Variants in HECTD2 observed in about 807,000 individuals in gnomAD.
HECTD2 encodes probable E3 ubiquitin-protein ligase HECTD2.
Under a neutral mutation model 103.2 loss-of-function variants are expected in HECTD2, and 35 were observed. The observed-to-expected ratio is 0.34, with a 90% CI of 0.26 to 0.45. HECTD2 has a LOEUF of 0.45. Ranked by LOEUF, HECTD2 falls within the 20% of genes least tolerant of loss-of-function variation. The pLI, the probability that HECTD2 is intolerant of heterozygous loss-of-function variation, is 1.00. For synonymous variants in HECTD2, 281 were observed against 329.9 expected, an observed-to-expected ratio of 0.85 and a Z score of 1.61; for missense variants, 596 against 937.4, an observed-to-expected ratio of 0.64 and a Z score of 4.76.
chr10:91,421,250 T>C (rs1843347097), intron 1 of HECTD2, among the ~76,000 whole-genome samples: 1 of 152,202 alleles, frequency 6.6e-6, no homozygotes, highest in Non-Finnish European at 1.5e-5. Flanking sequence ...TATTTAACAT[T>C]ATTGACCTTT....
Position 91,512,535 on chromosome 10 carries a change from G to A in HECTD2, c.*151G>A. 1 of 697,004 alleles carries A rather than the reference G, an allele frequency of 1.4e-6. No individual in the cohort carries two copies. The highest frequency in any genetic ancestry group is 2.3e-6 in the Non-Finnish European group (1 of 439,508). 43.2% of individuals were successfully genotyped at this position (697,004 alleles called of 1,614,324 possible). A position where few individuals can be genotyped will look rare whatever the true frequency, so the allele number is the denominator to read the frequency against. On this transcript the variant is annotated 3_prime_UTR_variant, in exon 21 of 21. Coordinates refer to ENST00000298068, the MANE Select transcript of HECTD2 (RefSeq NM_182765.6). ...TTTTAAAAAATCAAATATGAAGTATGTTCAGCAAAGGCATAATTTTCTAAA... is the reference window on the plus strand; with the variant it reads ...TTTTAAAAAATCAAATATGAAGTATATTCAGCAAAGGCATAATTTTCTAAA...
At chr10:91,470,271 G>A (rs940885035) in intron 5 of HECTD2, among the ~76,000 whole-genome samples, 2 of 152,088 alleles carry the variant, frequency 1.3e-5, no homozygotes, top group African/African-American at 4.8e-5. Flanking sequence ...ACATTCTTCT[G>A]AACTGTACAT....
At chr10:91,494,235 G>A (rs1846582445) in intron 14 of HECTD2, among the ~76,000 whole-genome samples, 1 of 152,020 alleles carries the variant, frequency 6.6e-6, no homozygotes, top group Non-Finnish European at 1.5e-5. Flanking sequence ...TGTTCTCAGA[G>A]TCAAATGACC....
At chr10:91,430,310 A>G (rs1003171547) in intron 2 of HECTD2, among the ~76,000 whole-genome samples, 30 of 152,078 alleles carry the variant, frequency 2.0e-4, no homozygotes, top group Admixed American at 1.7e-3. Flanking sequence ...TATGTGGTCA[A>G]TTTTGGAATA....
In HECTD2 at chr10:91,410,405, G is replaced by T; in HGVS notation, c.-34G>T. The T allele has an allele frequency of 7.5e-7, 1 of 1,342,122 alleles. No individual in the cohort carries two copies. The highest frequency in any genetic ancestry group is 3.7e-5 in the Admixed American group (1 of 27,258). The allele number at this position is 1,342,122 out of a possible 1,614,324, so 83.1% of individuals were successfully genotyped here. On this transcript the variant is annotated 5_prime_UTR_variant, in exon 1 of 21. Transcript: ENST00000298068. ...CAGCCCCAGCAACACTGAGGCCGCC[G>T]CCGCCGCCTGGCGCTCCCGCCGCCC...
intron 9 of HECTD2, among the ~76,000 whole-genome samples, chr10:91,484,964 T>A (rs1411263940): frequency 1.3e-5 from 2 of 152,016 alleles, no homozygotes; most frequent in Non-Finnish European, 2.9e-5. Context: ...AATACTATTA[T>A]AATCCTCACC....
At chr10:91,421,810 T>C (rs1277931137) in intron 1 of HECTD2, among the ~76,000 whole-genome samples, 1 of 152,242 alleles carries the variant, frequency 6.6e-6, no homozygotes, top group Non-Finnish European at 1.5e-5. Flanking sequence ...AAAATATGCC[T>C]ATTCTTCTGA....
intron 2 of HECTD2, among the ~76,000 whole-genome samples, chr10:91,440,120 A>ATT (rs1844338025): frequency 6.6e-6 from 1 of 152,114 alleles, no homozygotes; most frequent in Non-Finnish European, 1.5e-5. Flanking sequence ...AATATGTTGA[A>ATT]TAAGAGTAGT....
Position 91,507,940 on chromosome 10 carries a change from C to T in HECTD2, c.2211-4324C>T, listed in dbSNP as rs1229787738. Among the ~76,000 whole-genome samples, 811 of 138,238 alleles carry T rather than the reference C, an allele frequency of 5.9e-3. 11 individuals are homozygous for T. Among genetic ancestry groups the T allele is most frequent in the African/African-American group, 0.026 (760 of 28,858 alleles). 90.7% of individuals were successfully genotyped at this position (138,238 alleles called of 152,430 possible). A position where few individuals can be genotyped will look rare whatever the true frequency, so the allele number is the denominator to read the frequency against. The stretch of plus-strand genomic sequence containing the variant: ...AAAACAGAGATATAGATCAGTGGAA[C>T]AGAACAGAGCCCTCAGAAATAATGC... On this transcript the variant is annotated intron_variant, in intron 20 of 20. Coordinates refer to ENST00000298068, the MANE Select transcript of HECTD2 (RefSeq NM_182765.6).
Position 91,461,352 on chromosome 10 carries a change from TTAAGG to T in HECTD2, c.510_510+4del. ...TCTTTCCCAGAATTAAATGCTGCATTTAAGGTAATTATACATAAAACACACTTTTC... is the reference window on the plus strand; with the variant it reads ...TCTTTCCCAGAATTAAATGCTGCATTTAATTATACATAAAACACACTTTTC... On this transcript the variant is annotated splice_donor_variant and coding_sequence_variant, in exon 4 of 21. Transcript: ENST00000298068. LOFTEE classifies it high-confidence loss of function. 7.1e-7 allele frequency: 1 copy of T among 1,409,868 alleles called. No individual in the cohort carries two copies. The highest frequency in any genetic ancestry group is 9.7e-7 in the Non-Finnish European group (1 of 1,025,874). 87.3% of individuals were successfully genotyped at this position (1,409,868 alleles called of 1,614,324 possible). A position where few individuals can be genotyped will look rare whatever the true frequency, so the allele number is the denominator to read the frequency against.
intron 1 of HECTD2, among the ~76,000 whole-genome samples, chr10:91,414,028 G>T (rs2132965162): frequency 6.6e-6 from 1 of 152,316 alleles, no homozygotes; most frequent in South Asian, 2.1e-4. Flanking sequence ...TATTACACAT[G>T]TTTAAAAAAG....
chr10:91,484,746 C>A, intron 9 of HECTD2, 91 bp downstream of exon 9: 1 of 947,204 alleles, frequency 1.1e-6, no homozygotes, highest in Non-Finnish European at 1.5e-6. Context: ...TAGAGGCATT[C>A]TTAAATTTTA....
rs1199320104 is a variant in HECTD2, at chr10:91,410,562, G to A, written c.124G>A (p.Ala42Thr). 4.2e-6 allele frequency: 6 copies of A among 1,434,780 alleles called. No homozygotes were observed. The highest frequency in any genetic ancestry group is 5.5e-6 in the Non-Finnish European group (6 of 1,093,478). The allele number at this position is 1,434,780 out of a possible 1,614,324, so 88.9% of individuals were successfully genotyped here. The change falls in exon 1 of 21, where the codon GCC becomes ACC. Residue 42 changes from alanine (A) to threonine (T), a missense_variant. By Grantham distance (58) the Ala-to-Thr change is moderately conservative. Transcript: ENST00000298068. The part of the protein sequence containing the change: ...EKLPPIVSAG[A>T]GATAGLDRGA... ...GCTGCCGCCCATCGTATCGGCGGGC[G>A]CCGGCGCGACCGCGGTAGGTGGTGG...
In HECTD2 at chr10:91,481,890, C is replaced by G. The variant is rs1336118461; in HGVS notation, c.711+751C>G. Among the ~76,000 whole-genome samples, 2 of 150,896 alleles carry G rather than the reference C, an allele frequency of 1.3e-5. 1 individual carries two copies. Among genetic ancestry groups the G allele is most frequent in the African/African-American group, 4.9e-5 (2 of 41,026 alleles). The stretch of plus-strand genomic sequence containing the variant: ...GTACAATATTATGATATTATAATAT[C>G]AATATGTCTAATGAAAGAACATATA... On this transcript the variant is annotated intron_variant, in intron 7 of 20. Coordinates refer to ENST00000298068, the MANE Select transcript of HECTD2 (RefSeq NM_182765.6).
chr10:91,483,896 T>G (rs1846179533), intron 8 of HECTD2, among the ~76,000 whole-genome samples: 1 of 151,958 alleles, frequency 6.6e-6, no homozygotes, highest in Non-Finnish European at 1.5e-5. Context: ...TGAATGAAGC[T>G]TCTCTAACAT....
chr10:91,457,595 A>G (rs773254454), intron 2 of HECTD2, among the ~76,000 whole-genome samples: 1 of 152,050 alleles, frequency 6.6e-6, no homozygotes, highest in Non-Finnish European at 1.5e-5. Context: ...TCCAACACCT[A>G]TTCATAATGA....
At chr10:91,462,245 C>A in intron 5 of HECTD2, 61 bp downstream of exon 5, 1 of 1,457,458 alleles carries the variant, frequency 6.9e-7, no homozygotes. Context: ...CAAAAGCAGC[C>A]ATACAAATAT....
At chr10:91,465,645 G>A (rs375041509) in intron 5 of HECTD2, among the ~76,000 whole-genome samples, 1 of 151,846 alleles carries the variant, frequency 6.6e-6, no homozygotes, top group South Asian at 2.1e-4. Flanking sequence ...TCATGAATGG[G>A]TATTGGATTT....
intron 11 of HECTD2, chr10:91,489,437 C>G (rs757603421): frequency 6.6e-6 from 1 of 152,132 alleles, no homozygotes; most frequent in Non-Finnish European, 1.5e-5. Flanking sequence ...GGTTTCCTAA[C>G]CTAAAATAAG....
Sources: gnomAD v4.1 joint callset for allele counts (sites outside exome capture counted in the v4.1 genomes callset) on GRCh38, gnomAD v4.1.1 for gene constraint, MANE v1.5 for transcripts, NCBI Gene and HGNC (gene_info 2026-07-23, HGNC 2026-07-21) for gene names.